The following TDRD6 variants were observed in gnomAD, a reference collection of about 807,000 sequenced individuals.
The protein encoded by TDRD6 is tudor domain-containing protein 6.
In TDRD6, 186 loss-of-function variants were observed where a neutral mutation model predicts 157.5. The ratio of observed to expected loss-of-function variants is 1.18; its 90% CI spans 1.05 to 1.33. The LOEUF (loss-of-function observed/expected upper bound fraction) is 1.33. Among genes scored for constraint, TDRD6 ranks in the 40% most tolerant of loss-of-function variants. TDRD6 has a pLI of 0.00. For missense variants in TDRD6, 3,066 were observed against 2,508.0 expected (o/e 1.22, Z -4.75); for synonymous variants, 1,075 against 945.2 (o/e 1.14, Z -2.52).
upstream of TDRD6, among the ~76,000 whole-genome samples, chr6:46,687,246 T>C (rs1162076427): frequency 6.6e-6 from 1 of 152,178 alleles, no homozygotes; most frequent in Non-Finnish European, 1.5e-5. Context: ...TCCAGTTCTG[T>C]GCTAGCTCTG....
Position 46,695,863 on chromosome 6 carries a change from G to C in TDRD6, c.6089G>C (p.Gly2030Ala). The C allele has an allele frequency of 6.2e-7, 1 of 1,613,654 alleles. No homozygotes were observed. Among genetic ancestry groups the C allele is most frequent in the Non-Finnish European group, 8.5e-7 (1 of 1,179,750 alleles). ...TACACTCTGAAAGCCTTTACTGTTGGATCTAAATGTGTTGTGTGGTCAAGT... is the reference window on the plus strand; with the variant it reads ...TACACTCTGAAAGCCTTTACTGTTGCATCTAAATGTGTTGTGTGGTCAAGT... The part of the protein sequence containing the change: ...NTYTLKAFTV[G>A]SKCVVWSSLR... The change falls in exon 2 of 4, where the codon GGA (glycine) becomes GCA (alanine). Residue 2030 changes from glycine to alanine, a missense_variant. Transcript: ENST00000316081.
chr6:46,693,652 G>C lies in TDRD6; in HGVS notation c.5524G>C (p.Asp1842His). 6.2e-7 allele frequency: 1 copy of C among 1,614,168 alleles called. No homozygotes were observed. The highest frequency in any genetic ancestry group is 1.3e-5 in the African/African-American group (1 of 75,052). ...TTCACTTGAGGTGCCGCTTTCTCCT[G>C]ATGATGAATCAAAAGAATTCTTAGA... ...LNSLEVPLSP[D>H]DESKEFLELE... Residue 1842 changes from aspartate to histidine, a missense_variant, in exon 1 of 4, where the codon GAT becomes CAT. Asp to His is a moderately conservative substitution (Grantham distance 81). Coordinates refer to ENST00000316081, the MANE Select transcript of TDRD6 (RefSeq NM_001010870.3).
At position 46,693,245 on chromosome 6, in the gene TDRD6, C is replaced by G. The variant is rs749816022; in HGVS notation, c.5117C>G (p.Ala1706Gly). 2 of 1,613,392 alleles carry G rather than the reference C, an allele frequency of 1.2e-6. No individual in the cohort carries two copies. The highest frequency in any genetic ancestry group is 2.2e-5 in the South Asian group (2 of 90,982). ...TATTCTAAGACTGGTATTAAAAGTG[C>G]TCTTCCCTATGAAAATATTGACTCA... ...EKYSKTGIKS[A>G]LPYENIDSEI... Residue 1706 changes from alanine to glycine, a missense_variant, in exon 1 of 4, where the codon GCT becomes GGT. Physicochemically the swap from Ala to Gly is moderately conservative, Grantham distance 60. Coordinates refer to ENST00000316081, the MANE Select transcript of TDRD6 (RefSeq NM_001010870.3).
In TDRD6 at chr6:46,690,877, A is replaced by T; in HGVS notation, c.2749A>T (p.Asn917Tyr). The T allele has an allele frequency of 6.2e-7, 1 of 1,613,648 alleles. No individual in the cohort carries two copies. Among genetic ancestry groups the T allele is most frequent in the Non-Finnish European group, 8.5e-7 (1 of 1,179,910 alleles). ...ATTTATAGATAATGCATGGCAAAAAAATCTAGAATTAAAATGTACAATATT... is the reference window on the plus strand; with the variant it reads ...ATTTATAGATAATGCATGGCAAAAATATCTAGAATTAAAATGTACAATATT... ...NEFIDNAWQK[N>Y]LELKCTIFAL... Residue 917 changes from asparagine (N) to tyrosine (Y), a missense_variant, in exon 1 of 4, where the codon AAT becomes TAT. Physicochemically the swap from Asn to Tyr is moderately radical, Grantham distance 143. Transcript: ENST00000316081.
rs1764351314 is a variant in TDRD6 at position 46,692,212 on chromosome 6, G to A, written c.4084G>A (p.Val1362Ile). 3.1e-6 allele frequency: 5 copies of A among 1,614,174 alleles called. No individual in the cohort carries two copies. In the South Asian group the frequency reaches 3.3e-5, roughly 11 times the overall value. Residue 1362 changes from valine to isoleucine, a missense_variant, in exon 1 of 4, where the codon GTT (valine) becomes ATT (isoleucine). Physicochemically the swap from Val to Ile is conservative, Grantham distance 29 (BLOSUM62 3). Coordinates refer to ENST00000316081, the MANE Select transcript of TDRD6 (RefSeq NM_001010870.3). The stretch of plus-strand genomic sequence containing the variant: ...GCAAAGAGGAGATATGATATGTGCT[G>A]TTTTCCCAGAAGATAATTTATGGTA... ...PLQRGDMICA[V>I]FPEDNLWYRA...
At chr6:46,684,792 C>CTATTAACAGTCATGTA (rs1445370469), upstream of TDRD6, among the ~76,000 whole-genome samples, 65 of 152,168 alleles carry the variant, frequency 4.3e-4, no homozygotes, top group South Asian at 2.5e-3. Context: ...GTTTTGGGTT[C>CTATTAACAGTCATGTA]CAGGTTTTTG....
At chr6:46,694,715 T>C (rs1764448943) in intron 1 of TDRD6, among the ~76,000 whole-genome samples, 1 of 152,220 alleles carries the variant, frequency 6.6e-6, no homozygotes, top group African/African-American at 2.4e-5. Context: ...AGTTGAATGC[T>C]TGAAATCTAT....
upstream of TDRD6, among the ~76,000 whole-genome samples, chr6:46,685,890 T>C (rs1336945230): frequency 2.0e-5 from 3 of 152,176 alleles, no homozygotes; most frequent in Non-Finnish European, 4.4e-5. Flanking sequence ...ATGGGAGATA[T>C]ATGAGGGGAG....
At position 46,692,741 on chromosome 6, in the gene TDRD6, T is replaced by C. The variant is rs1486050882; in HGVS notation, c.4613T>C (p.Phe1538Ser). ...GGACCTGAGTACTTTTGGTGTCAGT[T>C]TGCTGATACGGAGAAACTTCAGTGT... Reference protein sequence around the residue: ...IDGPEYFWCQFADTEKLQCLE... With the variant: ...IDGPEYFWCQSADTEKLQCLE... Residue 1538 changes from phenylalanine to serine, a missense_variant, in exon 1 of 4, where the codon TTT becomes TCT. Phe to Ser is a radical substitution (Grantham distance 155). Coordinates refer to ENST00000316081, the MANE Select transcript of TDRD6 (RefSeq NM_001010870.3). 3 of 1,614,068 alleles carry C rather than the reference T, an allele frequency of 1.9e-6. No homozygotes were observed. The highest frequency in any genetic ancestry group is 1.3e-5 in the African/African-American group (1 of 74,920).
Position 46,690,247 on chromosome 6 carries a change from G to A in TDRD6, c.2119G>A (p.Glu707Lys). Residue 707 changes from glutamate (E) to lysine (K), a missense_variant, in exon 1 of 4, where the codon GAG becomes AAG. Glu to Lys is a moderately conservative substitution (Grantham distance 56). Coordinates refer to ENST00000316081, the MANE Select transcript of TDRD6 (RefSeq NM_001010870.3). ...KIPFAKTGEG[E>K]QKAKRENKTT... ...ACCTTTTGCCAAGACTGGAGAAGGAGAGCAGAAAGCCAAGAGAGAGAATAA... is the reference window on the plus strand; with the variant it reads ...ACCTTTTGCCAAGACTGGAGAAGGAAAGCAGAAAGCCAAGAGAGAGAATAA... The A allele has an allele frequency of 1.2e-6, 2 of 1,613,844 alleles. No homozygotes were observed. Among genetic ancestry groups the A allele is most frequent in the Non-Finnish European group, 8.5e-7 (1 of 1,179,998 alleles).
Position 46,692,865 on chromosome 6 carries a change from A to T in TDRD6, c.4737A>T (p.Arg1579Ser). The part of the protein sequence containing the change: ...YIGDPCIVRY[R>S]EDGHYYRALI... The stretch of plus-strand genomic sequence containing the variant: ...GAGATCCTTGTATAGTAAGATACAG[A>T]GAAGATGGACATTATTATAGGGCAC... The change falls in exon 1 of 4, where the codon AGA (arginine) becomes AGT (serine). Residue 1579 changes from arginine (R) to serine (S), a missense_variant. By Grantham distance (110) the Arg-to-Ser change is moderately radical. Transcript: ENST00000316081. 2 of 1,614,134 alleles carry T rather than the reference A, an allele frequency of 1.2e-6. No individual in the cohort carries two copies. Among genetic ancestry groups the T allele is most frequent in the Non-Finnish European group, 1.7e-6 (2 of 1,179,994 alleles).
rs1764154183 is a variant in TDRD6, at chr6:46,688,055, C to A, written c.-74C>A. ...AGTTTGGCTGGGACTCGCCTTCAGG[C>A]GGCGCGGAGGATTTCGAGGCCCTGA... On this transcript the variant is annotated 5_prime_UTR_variant, in exon 1 of 4. Coordinates refer to ENST00000316081, the MANE Select transcript of TDRD6 (RefSeq NM_001010870.3). 1.4e-6 allele frequency: 2 copies of A among 1,396,344 alleles called. No homozygotes were observed. Among genetic ancestry groups the A allele is most frequent in the Admixed American group, 6.8e-5 (2 of 29,618 alleles). The allele number at this position is 1,396,344 out of a possible 1,614,324, so 86.5% of individuals were successfully genotyped here. A position where few individuals can be genotyped will look rare whatever the true frequency, so the allele number is the denominator to read the frequency against.
Position 46,691,925 on chromosome 6 carries a change from C to A in TDRD6, c.3797C>A (p.Pro1266His). 6.2e-7 allele frequency: 1 copy of A among 1,603,334 alleles called. No individual in the cohort carries two copies. The highest frequency in any genetic ancestry group is 1.1e-5 in the South Asian group (1 of 88,704). The change falls in exon 1 of 4, where the codon CCC (proline) becomes CAC (histidine). Residue 1266 changes from proline (P) to histidine (H), a missense_variant. Transcript: ENST00000316081. ...AAAGAAGAAATTTCTGCTGAGACAC[C>A]CTTGAAAACAGCAAGAGTAGAAGCT... The part of the protein sequence containing the change: ...EKKEEISAET[P>H]LKTARVEATL...
rs1764374009 is a variant in TDRD6 at position 46,692,748 on chromosome 6, T to TA, written c.4621dup (p.Thr1541AsnfsTer46). On this transcript the variant is annotated frameshift_variant, in exon 1 of 4. Coordinates refer to ENST00000316081, the MANE Select transcript of TDRD6 (RefSeq NM_001010870.3). LOFTEE classifies it high-confidence loss of function. ...AGTACTTTTGGTGTCAGTTTGCTGA[T>TA]ACGGAGAAACTTCAGTGTTTAGAAG... 4 of 1,614,098 alleles carry TA rather than the reference T, an allele frequency of 2.5e-6. No homozygotes were observed. The highest frequency in any genetic ancestry group is 3.4e-6 in the Non-Finnish European group (4 of 1,180,046).
Position 46,690,955 on chromosome 6 carries a change from C to T in TDRD6, c.2827C>T (p.Pro943Ser), listed in dbSNP as rs1320289728. 1.2e-6 allele frequency: 2 copies of T among 1,613,988 alleles called. No individual in the cohort carries two copies. The highest frequency in any genetic ancestry group is 1.3e-5 in the African/African-American group (1 of 74,930). ...GTTTAACATTGTGGATTTGCTAACC[C>T]CCTTTCAGAGTGCATGCCATTTCTT... ...ELFNIVDLLT[P>S]FQSACHFLVE... is the part of the protein sequence containing the mutation. Residue 943 changes from proline (P) to serine (S), a missense_variant, in exon 1 of 4, where the codon CCC becomes TCC. Coordinates refer to ENST00000316081, the MANE Select transcript of TDRD6 (RefSeq NM_001010870.3).
rs1341140820 is a variant in TDRD6, at chr6:46,703,370, A to T, written c.*1483A>T. 6.6e-6 allele frequency: 1 copy of T among 152,136 alleles called. No individual in the cohort carries two copies. Among genetic ancestry groups the T allele is most frequent in the East Asian group, 1.9e-4 (1 of 5,202 alleles). The allele number at this position is 152,136 out of a possible 1,614,324, so 9.4% of individuals were successfully genotyped here. On this transcript the variant is annotated 3_prime_UTR_variant, in exon 4 of 4. Transcript: ENST00000316081. ...TTATTCCTGGAATAATGAATAGACA[A>T]GTTTGGCTTACTCATATAGATAATA...
In TDRD6 at chr6:46,693,118, G is replaced by T. The variant is rs1334386172; in HGVS notation, c.4990G>T (p.Glu1664Ter). The change falls in exon 1 of 4, where the codon GAA becomes TAA. Residue 1664 changes from glutamate to a stop codon, truncating the protein, a stop_gained. Transcript: ENST00000316081. LOFTEE classifies it high-confidence loss of function. Reference sequence around the variant, plus strand: ...TGAAATAATAACAGAAGATGTGTTGGAAATAACAATACTAGAAATCAGAAG... The same window carrying T: ...TGAAATAATAACAGAAGATGTGTTGTAAATAACAATACTAGAAATCAGAAG... The part of the protein sequence containing the change: ...FYEIITEDVL[E>*]ITILEIRRDV... 5 of 1,613,126 alleles carry T rather than the reference G, an allele frequency of 3.1e-6. No homozygotes were observed. Among genetic ancestry groups the T allele is most frequent in the Non-Finnish European group, 3.4e-6 (4 of 1,179,708 alleles).
In TDRD6 at chr6:46,692,116, G is replaced by A. The variant is rs958294553; in HGVS notation, c.3988G>A (p.Glu1330Lys). ...TGTTCAACTAATAGAAGATGAAGCT[G>A]AAATTAGTCATCTTTCAGAGAGATT... Reference protein sequence around the residue: ...FYVQLIEDEAEISHLSERLNS... With the variant: ...FYVQLIEDEAKISHLSERLNS... The change falls in exon 1 of 4, where the codon GAA becomes AAA. Residue 1330 changes from glutamate (E) to lysine (K), a missense_variant. Glu to Lys is a moderately conservative substitution (Grantham distance 56, BLOSUM62 1). Transcript: ENST00000316081. 2.1e-5 allele frequency: 34 copies of A among 1,613,508 alleles called. No individual in the cohort carries two copies. The highest frequency in any genetic ancestry group is 2.8e-5 in the Non-Finnish European group (33 of 1,179,728).
At position 46,690,081 on chromosome 6, in the gene TDRD6, A is replaced by G; in HGVS notation, c.1953A>G (p.Thr651=). The G allele has an allele frequency of 6.2e-7, 1 of 1,614,052 alleles. No individual in the cohort carries two copies. Among genetic ancestry groups the G allele is most frequent in the Non-Finnish European group, 8.5e-7 (1 of 1,179,986 alleles). The part of the protein sequence containing the change: ...YVIEILDESR[T]GEENISKVIA... ...TTGAGATTCTTGACGAATCAAGAAC[A>G]GGGGAAGAAAACATTAGTAAGGTAA... The change falls in exon 1 of 4, where the codon ACA becomes ACG. Residue 651 remains threonine (T), a synonymous_variant. Transcript: ENST00000316081.
Sources: allele counts gnomAD v4.1 joint callset (sites outside exome capture counted in the v4.1 genomes callset), GRCh38; gene constraint gnomAD v4.1.1; transcripts MANE v1.5; gene names NCBI Gene and HGNC (gene_info 2026-07-23, HGNC 2026-07-21).